BTN3A2: variants seen among roughly 807,000 people sequenced by gnomAD.
The protein encoded by BTN3A2 is butyrophilin protein.
BTN3A2 carries 25 observed loss-of-function variants against 37.6 expected under a neutral mutation model. The observed-to-expected ratio is 0.66, with a 90% CI of 0.48 to 0.93. The LOEUF is 0.93. BTN3A2 is among the 40% of genes least tolerant of loss of function. BTN3A2 has a pLI of 0.00. For missense variants in BTN3A2, 266 were observed against 410.9 expected, an observed-to-expected ratio of 0.65 and a Z score of 3.05; for synonymous variants, 122 against 159.4, an observed-to-expected ratio of 0.77 and a Z score of 1.77.
At chr6:26,366,213 A>C (rs1425482562) in intron 1 of BTN3A2, among the ~76,000 whole-genome samples, 1 of 134,714 alleles carries the variant, frequency 7.4e-6, no homozygotes. Context: ...TTATTTTTAA[A>C]ACTCTTTATT....
intron 1 of BTN3A2, 71 bp downstream of exon 1, chr6:26,365,423 G>T: frequency 6.6e-7 from 1 of 1,508,394 alleles, no homozygotes; most frequent in Non-Finnish European, 8.9e-7. Flanking sequence ...CGCTGAGAGT[G>T]GTGAGTGGGC....
intron 1 of BTN3A2, 60 bp downstream of exon 1, chr6:26,365,412 T>C: frequency 2.0e-6 from 3 of 1,527,384 alleles, no homozygotes; most frequent in Non-Finnish European, 2.6e-6. Flanking sequence ...CGGGGCTGAA[T>C]CGCTGAGAGT....
At chr6:26,366,660 C>G (rs1762093958) in intron 1 of BTN3A2, among the ~76,000 whole-genome samples, 1 of 152,136 alleles carries the variant, frequency 6.6e-6, no homozygotes, top group Non-Finnish European at 1.5e-5. Flanking sequence ...AATGTTTAGT[C>G]TGATGGTGGA....
At position 26,377,050 on chromosome 6, in the gene BTN3A2, T is replaced by G; in HGVS notation, c.*1288T>G. The stretch of plus-strand genomic sequence containing the variant: ...TCCTCTGAGCCTCTGTATCCTGTAT[T>G]CAGAATTTTGACCTTGGAGCCCACT... On this transcript the variant is annotated 3_prime_UTR_variant, in exon 11 of 11. Coordinates refer to ENST00000377708, the MANE Select transcript of BTN3A2 (RefSeq NM_007047.5). 3.6e-6 allele frequency: 5 copies of G among 1,390,760 alleles called. No individual in the cohort carries two copies. Among genetic ancestry groups the G allele is most frequent in the Non-Finnish European group, 5.1e-6 (5 of 980,454 alleles). The allele number at this position is 1,390,760 out of a possible 1,614,324, so 86.2% of individuals were successfully genotyped here.
Position 26,376,906 on chromosome 6 carries a change from A to G in BTN3A2, c.*1144A>G. On this transcript the variant is annotated 3_prime_UTR_variant, in exon 11 of 11. Transcript: ENST00000377708. ...CGGGCTCTCACTGAGCCCAGAACCAACCTGAAACTTCCTGAGCCTCCTAGG... is the reference window on the plus strand; with the variant it reads ...CGGGCTCTCACTGAGCCCAGAACCAGCCTGAAACTTCCTGAGCCTCCTAGG... 6.2e-7 allele frequency: 1 copy of G among 1,613,852 alleles called. No individual in the cohort carries two copies. Among genetic ancestry groups the G allele is most frequent in the East Asian group, 2.2e-5 (1 of 44,882 alleles).
chr6:26,372,971 G>C lies in BTN3A2; in HGVS notation c.790G>C (p.Ala264Pro). 1.2e-6 allele frequency: 2 copies of C among 1,614,198 alleles called. No homozygotes were observed. The highest frequency in any genetic ancestry group is 2.2e-5 in the East Asian group (1 of 44,880). Residue 264 changes from alanine to proline, a missense_variant, in exon 6 of 11, where the codon GCC becomes CCC. By Grantham distance (27) the Ala-to-Pro change is conservative (BLOSUM62 -1). This residue lies in a region of BTN3A2 where 204 missense variants were observed against 232.6 expected (regional missense o/e 0.88). Transcript: ENST00000377708. ...GTLPILLLLLAGASYFLWRQQ... is the reference protein window; with the variant it reads ...GTLPILLLLLPGASYFLWRQQ... ...CCTGCCTATCTTGCTGCTGCTTCTCGCCGGAGCCAGTTACTTCTTGTGGAG... is the reference window on the plus strand; with the variant it reads ...CCTGCCTATCTTGCTGCTGCTTCTCCCCGGAGCCAGTTACTTCTTGTGGAG...
At chr6:26,374,168 T>A in intron 8 of BTN3A2, 159 bp from the exon 9 acceptor site, 1 of 517,132 alleles carries the variant, frequency 1.9e-6, no homozygotes, top group East Asian at 3.4e-5. Flanking sequence ...GAATTGTACC[T>A]GAAGATGGAG....
Position 26,375,763 on chromosome 6 carries a change from G to A in BTN3A2, c.*35-34G>A, listed in dbSNP as rs964299430. The A allele has an allele frequency of 5.2e-5, 80 of 1,549,412 alleles. 1 individual carries two copies. The highest frequency in any genetic ancestry group is 8.3e-5 in the South Asian group (7 of 83,972). ...AAATAATATGATTGCCTTCTACAGC[G>A]CTAGAGATTCATATGTTTATCCCCA... On this transcript the variant is annotated intron_variant, in intron 10 of 10. Transcript: ENST00000377708.
chr6:26,369,226 T>G (rs1759848686), intron 4 of BTN3A2, among the ~76,000 whole-genome samples: 1 of 152,134 alleles, frequency 6.6e-6, no homozygotes, highest in African/African-American at 2.4e-5. Flanking sequence ...TCATTTTGGT[T>G]TAGTTGTGTA....
intron 3 of BTN3A2, 48 bp from the exon 4 acceptor site, chr6:26,368,517 A>G (rs1172029207): frequency 2.6e-5 from 42 of 1,613,336 alleles, no homozygotes; most frequent in Non-Finnish European, 3.0e-5. Flanking sequence ...TCCTCTCATG[A>G]CCCCAACTCC....
intron 1 of BTN3A2, among the ~76,000 whole-genome samples, chr6:26,367,306 A>G (rs1275790731): frequency 6.6e-6 from 1 of 152,206 alleles, no homozygotes; most frequent in African/African-American, 2.4e-5. Flanking sequence ...ATAGTGCTGC[A>G]GTGTCATTCC....
intron 5 of BTN3A2, 110 bp downstream of exon 5, chr6:26,370,713 C>T (rs1297004150): frequency 3.6e-5 from 56 of 1,535,920 alleles, no homozygotes; most frequent in Non-Finnish European, 4.9e-5. Flanking sequence ...AATATAAGGC[C>T]CAAAGCACAG....
rs72841536 is a variant in BTN3A2, at chr6:26,378,060, T to A, written c.*2298T>A. On this transcript the variant is annotated 3_prime_UTR_variant, in exon 11 of 11. Coordinates refer to ENST00000377708, the MANE Select transcript of BTN3A2 (RefSeq NM_007047.5). The stretch of plus-strand genomic sequence containing the variant: ...ATACCCTAGAGATTCTCTGTAATAT[T>A]GGTAATTTGGATGAAGGAAGCTAGA... 0.078 allele frequency: 11,915 copies of A among 152,278 alleles called. 595 individuals are homozygous for A. Among genetic ancestry groups the A allele is most frequent in the East Asian group, 0.13 (650 of 5,188 alleles). The allele number at this position is 152,278 out of a possible 1,614,324, so 9.4% of individuals were successfully genotyped here.
At chr6:26,375,485 C>A in intron 10 of BTN3A2, 1 of 695,000 alleles carries the variant, frequency 1.4e-6, no homozygotes, top group South Asian at 2.0e-5. Flanking sequence ...GTGTGTATCT[C>A]CTTTCTTTCT....
intron 4 of BTN3A2, among the ~76,000 whole-genome samples, chr6:26,369,317 T>C (rs1226192525): frequency 6.6e-6 from 1 of 152,210 alleles, no homozygotes; most frequent in East Asian, 1.9e-4. Flanking sequence ...CTGCTGCCAG[T>C]GTTCTCCAAC....
Position 26,377,650 on chromosome 6 carries a change from A to G in BTN3A2, c.*1888A>G, listed in dbSNP as rs1760788180. 5.4e-6 allele frequency: 1 copy of G among 184,404 alleles called. No individual in the cohort carries two copies. Among genetic ancestry groups the G allele is most frequent in the South Asian group, 1.0e-4 (1 of 9,650 alleles). The allele number at this position is 184,404 out of a possible 1,614,324, so 11.4% of individuals were successfully genotyped here. On this transcript the variant is annotated 3_prime_UTR_variant, in exon 11 of 11. Transcript: ENST00000377708. Reference sequence around the variant, plus strand: ...TAATTTGTGCAGTTGGGAGATGTTCAGCTTCAGTCCCTGGCCAATTGCCCG... The same window carrying G: ...TAATTTGTGCAGTTGGGAGATGTTCGGCTTCAGTCCCTGGCCAATTGCCCG...
At position 26,368,065 on chromosome 6, in the gene BTN3A2, G is replaced by C. The variant is rs192635057; in HGVS notation, c.-6+15G>C. On this transcript the variant is annotated intron_variant, in intron 2 of 10. Transcript: ENST00000377708. ...TTTTGGCAGAGGTAAGATCTTCTTC[G>C]GTCACCATATTTGAGTTAGCCCTGG... The C allele has an allele frequency of 1.3e-6, 2 of 1,550,354 alleles. No individual in the cohort carries two copies. The highest frequency in any genetic ancestry group is 1.7e-6 in the Non-Finnish European group (2 of 1,146,728).
intron 4 of BTN3A2, among the ~76,000 whole-genome samples, chr6:26,369,822 C>T (rs557520326): frequency 3.3e-5 from 5 of 152,288 alleles, no homozygotes; most frequent in South Asian, 2.1e-4. Flanking sequence ...CACAGAGACC[C>T]GGTGTCAGTT....
chr6:26,374,975 C>T, intron 10 of BTN3A2, 177 bp downstream of exon 10: 1 of 548,144 alleles, frequency 1.8e-6, no homozygotes, highest in South Asian at 3.5e-5. Flanking sequence ...CTGAGTAATA[C>T]TGCAGGGAGA....
Sources: allele counts gnomAD v4.1 joint callset (sites outside exome capture counted in the v4.1 genomes callset), GRCh38; gene constraint gnomAD v4.1.1; regional missense constraint gnomAD v4.1.1; transcripts MANE v1.5; gene names NCBI Gene and HGNC (gene_info 2026-07-23, HGNC 2026-07-21).